WWOX: variants seen among roughly 807,000 people sequenced by gnomAD.
WWOX encodes the protein WW domain containing oxidoreductase.
Under a neutral mutation model 46.2 loss-of-function variants are expected in WWOX, and 69 were observed. The ratio of observed to expected loss-of-function variants is 1.49; its 90% CI spans 1.23 to 1.82. The LOEUF (loss-of-function observed/expected upper bound fraction) is 1.82. Among genes scored for constraint, WWOX ranks in the 40% most tolerant of loss-of-function variants. The pLI, the probability that WWOX is intolerant of heterozygous loss-of-function variation, is 0.00. For synonymous variants in WWOX, 359 were observed against 202.6 expected (o/e 1.77, Z -6.56); for missense variants, 919 against 542.6 (o/e 1.69, Z -6.89).
intron 8 of WWOX, among the ~76,000 whole-genome samples, chr16:79,159,511 T>A (rs2050444132): frequency 6.6e-6 from 1 of 152,100 alleles, no homozygotes; most frequent in South Asian, 2.1e-4. Flanking sequence ...ACTGATTATA[T>A]TTGAGACTTG....
chr16:78,662,243 C>G (rs551604438), intron 8 of WWOX, among the ~76,000 whole-genome samples: 3 of 152,258 alleles, frequency 2.0e-5, no homozygotes, highest in Non-Finnish European at 2.9e-5. Context: ...TTAGAACCTC[C>G]TGCTATCTGT....
intron 8 of WWOX, chr16:78,825,884 C>T: frequency 1.5e-6 from 1 of 684,404 alleles, no homozygotes; most frequent in African/African-American, 1.8e-5. Context: ...TAAGAAGCCT[C>T]TGCCTGACCA....
At chr16:79,173,342 G>T (rs552862389) in intron 8 of WWOX, among the ~76,000 whole-genome samples, 67 of 152,214 alleles carry the variant, frequency 4.4e-4, no homozygotes, top group African/African-American at 1.6e-3. Context: ...GTATGTTTGG[G>T]GTACAACTCA....
intron 8 of WWOX, among the ~76,000 whole-genome samples, chr16:79,187,086 A>AG (rs113769141): frequency 4.6e-5 from 7 of 152,196 alleles, no homozygotes; most frequent in South Asian, 4.1e-4. Flanking sequence ...TGTGTTTGTT[A>AG]GGGGGGTCAT....
chr16:79,054,384 G>A (rs976777119), intron 8 of WWOX, among the ~76,000 whole-genome samples: 4 of 152,162 alleles, frequency 2.6e-5, no homozygotes, highest in Admixed American at 1.3e-4. Flanking sequence ...AGCTTGTTCA[G>A]TTGCATCCTA....
chr16:79,030,080 C>T (rs989962793), intron 8 of WWOX, among the ~76,000 whole-genome samples: 2 of 151,982 alleles, frequency 1.3e-5, no homozygotes, highest in Admixed American at 1.3e-4. Context: ...TAGCATCTGC[C>T]CAAAAGATGC....
At chr16:79,013,883 A>G (rs763480112) in intron 8 of WWOX, among the ~76,000 whole-genome samples, 2 of 152,102 alleles carry the variant, frequency 1.3e-5, no homozygotes, top group East Asian at 1.9e-4. Flanking sequence ...TTGTAATCAC[A>G]TATTTTTCAT....
At chr16:78,832,567 G>A (rs1428898011) in intron 8 of WWOX, among the ~76,000 whole-genome samples, 3 of 152,116 alleles carry the variant, frequency 2.0e-5, no homozygotes, top group Non-Finnish European at 4.4e-5. Flanking sequence ...ACACCTGCTC[G>A]CTTCACTGGT....
At chr16:78,803,624 T>C (rs2050953160) in intron 8 of WWOX, among the ~76,000 whole-genome samples, 1 of 152,032 alleles carries the variant, frequency 6.6e-6, no homozygotes, top group Non-Finnish European at 1.5e-5. Context: ...TGTTTTTAAC[T>C]TTAATTTTTA....
At chr16:78,304,967 C>A (rs540413591) in intron 5 of WWOX, among the ~76,000 whole-genome samples, 2 of 151,094 alleles carry the variant, frequency 1.3e-5, no homozygotes, top group African/African-American at 2.4e-5. Flanking sequence ...TCTTTTCTTT[C>A]CTTCCCTTTT....
At chr16:78,885,547 A>T (rs2044437514) in intron 8 of WWOX, among the ~76,000 whole-genome samples, 2 of 152,218 alleles carry the variant, frequency 1.3e-5, no homozygotes, top group Admixed American at 1.3e-4. Context: ...AGATTGTGAG[A>T]AATGTGTTGG....
At chr16:78,506,864 C>A (rs943337768) in intron 8 of WWOX, among the ~76,000 whole-genome samples, 1 of 152,018 alleles carries the variant, frequency 6.6e-6, no homozygotes, top group African/African-American at 2.4e-5. Flanking sequence ...AGGCACCTAC[C>A]ACCACGCCTG....
At chr16:78,966,348 AC>A (rs1010598519) in intron 8 of WWOX, among the ~76,000 whole-genome samples, 1 of 151,982 alleles carries the variant, frequency 6.6e-6, no homozygotes, top group Non-Finnish European at 1.5e-5. Flanking sequence ...TTTACTGTAC[AC>A]CCCCTATCCT....
chr16:79,113,703 G>A (rs1264766046), intron 8 of WWOX, among the ~76,000 whole-genome samples: 1 of 149,930 alleles, frequency 6.7e-6, no homozygotes, highest in African/African-American at 2.5e-5. Context: ...GAGTGTAGAT[G>A]TCAATTAAGG....
At chr16:78,407,780 G>A (rs894273872) in intron 6 of WWOX, among the ~76,000 whole-genome samples, 6 of 152,150 alleles carry the variant, frequency 3.9e-5, no homozygotes, top group Non-Finnish European at 8.8e-5. Flanking sequence ...AAATAGCATT[G>A]ATTCAAACGT....
intron 6 of WWOX, among the ~76,000 whole-genome samples, chr16:78,395,187 G>A (rs2082258397): frequency 6.6e-6 from 1 of 152,206 alleles, no homozygotes; most frequent in Non-Finnish European, 1.5e-5. Context: ...GGGATGTTGT[G>A]CTCAGAGAGG....
At chr16:78,765,292 A>C (rs1437587625) in intron 8 of WWOX, among the ~76,000 whole-genome samples, 2 of 152,226 alleles carry the variant, frequency 1.3e-5, no homozygotes, top group African/African-American at 4.8e-5. Context: ...GGGCTTAGGG[A>C]CAGTGATGAG....
chr16:78,442,322 GTTA>G (rs1207316799), intron 8 of WWOX, among the ~76,000 whole-genome samples: 2 of 151,834 alleles, frequency 1.3e-5, no homozygotes, highest in Admixed American at 6.6e-5. Flanking sequence ...TATATAATAC[GTTA>G]TTATTATTAC....
intron 8 of WWOX, among the ~76,000 whole-genome samples, chr16:79,069,601 GTATGCTGT>G (rs2048510643): frequency 1.3e-5 from 2 of 150,606 alleles, no homozygotes; most frequent in South Asian, 4.2e-4. Context: ...CTAGTGGAAA[GTATGCTGT>G]TATCAACCAT....
Sources: allele counts gnomAD v4.1 joint callset (sites outside exome capture counted in the v4.1 genomes callset), GRCh38; gene constraint gnomAD v4.1.1; transcripts MANE v1.5; gene names NCBI Gene and HGNC (gene_info 2026-07-23, HGNC 2026-07-21).